THSD7B: variants seen among roughly 807,000 people sequenced by gnomAD.
THSD7B encodes thrombospondin type 1 domain containing 7B.
A neutral mutation model predicts 213.6 loss-of-function variants in THSD7B; 138 were observed. That is an observed-to-expected ratio of 0.65 (90% CI 0.56 to 0.74). The LOEUF (loss-of-function observed/expected upper bound fraction) is 0.74. THSD7B is among the 30% of genes least tolerant of loss of function. THSD7B has a pLI of 0.00. For synonymous variants in THSD7B, 742 were observed against 687.0 expected, an observed-to-expected ratio of 1.08 and a Z score of -1.25; for missense variants, 1,931 against 1,991.5, an observed-to-expected ratio of 0.97 and a Z score of 0.58.
At chr2:137,612,685 A>G (rs1682310497) in intron 17 of THSD7B, among the ~76,000 whole-genome samples, 1 of 152,164 alleles carries the variant, frequency 6.6e-6, no homozygotes, top group African/African-American at 2.4e-5. Flanking sequence ...TTTGACTAGG[A>G]ACCCTGGTTT....
chr2:137,364,726 C>T (rs978497628), intron 12 of THSD7B, among the ~76,000 whole-genome samples: 1 of 151,984 alleles, frequency 6.6e-6, no homozygotes, highest in Non-Finnish European at 1.5e-5. Context: ...AACCACTGCT[C>T]AATAAAATAA....
intron 7 of THSD7B, among the ~76,000 whole-genome samples, chr2:137,211,579 T>C (rs148767664): frequency 6.6e-6 from 1 of 152,170 alleles, no homozygotes; most frequent in East Asian, 1.9e-4. Flanking sequence ...TTATAAATGA[T>C]CTTAGTTAGG....
intron 22 of THSD7B, among the ~76,000 whole-genome samples, 158 bp downstream of exon 22, chr2:137,655,818 C>T (rs74267018): frequency 0.049 from 7,470 of 152,008 alleles, 341 homozygotes; most frequent in East Asian, 0.21. Context: ...ATACCTACGG[C>T]TTTGATGGAG....
chr2:136,844,705 T>C (rs1682979291), intron 1 of THSD7B, among the ~76,000 whole-genome samples: 1 of 152,116 alleles, frequency 6.6e-6, no homozygotes, highest in Admixed American at 6.6e-5. Flanking sequence ...GAAGCAGCAG[T>C]GTGGTTAGAC....
chr2:137,153,202 G>C (rs1679850875), intron 5 of THSD7B, among the ~76,000 whole-genome samples: 1 of 152,028 alleles, frequency 6.6e-6, no homozygotes, highest in South Asian at 2.1e-4. Context: ...TTATATATGT[G>C]CTTCACTTGT....
chr2:137,525,581 A>G (rs1249294976), intron 15 of THSD7B, among the ~76,000 whole-genome samples: 5 of 152,174 alleles, frequency 3.3e-5, no homozygotes, highest in Admixed American at 2.0e-4. Context: ...AGTGTTTTGC[A>G]TCTGTAATTT....
At chr2:136,969,077 A>T (rs940027487) in intron 2 of THSD7B, among the ~76,000 whole-genome samples, 1 of 152,194 alleles carries the variant, frequency 6.6e-6, no homozygotes, top group Non-Finnish European at 1.5e-5. Context: ...GTTCATAAAA[A>T]GATGTCAGCT....
intron 3 of THSD7B, among the ~76,000 whole-genome samples, chr2:137,081,136 T>C (rs1446104082): frequency 6.6e-6 from 1 of 152,160 alleles, no homozygotes; most frequent in African/African-American, 2.4e-5. Context: ...AGAATGTCTT[T>C]ATTTTAAAGT....
At chr2:137,240,003 C>A (rs1182295077) in intron 9 of THSD7B, among the ~76,000 whole-genome samples, 1 of 152,160 alleles carries the variant, frequency 6.6e-6, no homozygotes, top group Non-Finnish European at 1.5e-5. Flanking sequence ...TGATGCCATT[C>A]ATGAGAGCTC....
chr2:137,065,190 TC>T (rs1470361139), intron 3 of THSD7B, among the ~76,000 whole-genome samples: 1 of 152,088 alleles, frequency 6.6e-6, no homozygotes, highest in African/African-American at 2.4e-5. Flanking sequence ...TTCAATTTTC[TC>T]CTTTGGTGTT....
Position 137,656,972 on chromosome 2 carries a change from A to G in THSD7B, c.4279+3A>G. The G allele has an allele frequency of 6.2e-7, 1 of 1,613,668 alleles. No individual in the cohort carries two copies. Among genetic ancestry groups the G allele is most frequent in the Non-Finnish European group, 8.5e-7 (1 of 1,179,686 alleles). On this transcript the variant is annotated splice_donor_region_variant and intron_variant, in intron 23 of 27. Transcript: ENST00000409968. ...TCTAGAAACACGCCCTTGTACAGGT[A>G]CCAAGAGCACTTTTCAGTTCTTTAG... is the stretch of plus-strand genomic sequence containing the variant.
intron 7 of THSD7B, among the ~76,000 whole-genome samples, chr2:137,207,002 C>G (rs979332060): frequency 3.3e-5 from 5 of 151,906 alleles, no homozygotes; most frequent in African/African-American, 1.2e-4. Flanking sequence ...AAGGTTTTCA[C>G]TGTTTTTCCA....
intron 3 of THSD7B, among the ~76,000 whole-genome samples, chr2:137,083,515 T>C (rs1687784129): frequency 6.6e-6 from 1 of 152,158 alleles, no homozygotes; most frequent in Non-Finnish European, 1.5e-5. Context: ...TAAACCTTGG[T>C]ATATGCAGGT....
At chr2:137,575,725 C>CACACACATATATATATATATATATATAT (rs59620213) in intron 17 of THSD7B, among the ~76,000 whole-genome samples, 6 of 110,814 alleles carry the variant, frequency 5.4e-5, no homozygotes, top group South Asian at 4.1e-4. Flanking sequence ...CCATAACACA[C>CACACACATATATATATATATATATATAT]ATATATATAT....
At chr2:137,670,796 C>T (rs1462600291) in intron 27 of THSD7B, among the ~76,000 whole-genome samples, 1 of 151,938 alleles carries the variant, frequency 6.6e-6, no homozygotes, top group Non-Finnish European at 1.5e-5. Context: ...TGGCGGGCGC[C>T]TGTAGTCCCA....
At chr2:136,787,017 A>G (rs1681868227) in intron 1 of THSD7B, among the ~76,000 whole-genome samples, 1 of 152,210 alleles carries the variant, frequency 6.6e-6, no homozygotes, top group African/African-American at 2.4e-5. Flanking sequence ...TGGCCAAGAC[A>G]CACAAGGTTG....
chr2:137,077,836 C>G (rs1348661556), intron 3 of THSD7B, among the ~76,000 whole-genome samples: 2 of 151,964 alleles, frequency 1.3e-5, no homozygotes, highest in Admixed American at 1.3e-4. Flanking sequence ...TTAATTAGAT[C>G]CCATTTGTCA....
chr2:137,046,011 A>C (rs1399462348), intron 2 of THSD7B, among the ~76,000 whole-genome samples: 1 of 149,794 alleles, frequency 6.7e-6, no homozygotes, highest in African/African-American at 2.4e-5. Flanking sequence ...TTTCTCTTCA[A>C]CTTTTTTTTT....
At chr2:137,033,497 G>A (rs1431709436) in intron 2 of THSD7B, among the ~76,000 whole-genome samples, 2 of 152,220 alleles carry the variant, frequency 1.3e-5, no homozygotes, top group Non-Finnish European at 2.9e-5. Context: ...AGGGGATGGA[G>A]AAGTAGACTC....
Sources: gnomAD v4.1 joint callset for allele counts (sites outside exome capture counted in the v4.1 genomes callset) on GRCh38, gnomAD v4.1.1 for gene constraint, MANE v1.5 for transcripts, NCBI Gene and HGNC (gene_info 2026-07-23, HGNC 2026-07-21) for gene names.